Variants in BTBD10 observed in about 807,000 individuals in gnomAD.
BTBD10 encodes the protein BTB domain containing 10, also known as BTB/POZ domain-containing protein 10.
Under a neutral mutation model 53.2 loss-of-function variants are expected in BTBD10, and 21 were observed. The observed-to-expected ratio is 0.39, with a 90% confidence interval of 0.28 to 0.57. The LOEUF is 0.57. BTBD10 is among the 20% of genes least tolerant of loss of function. The pLI is 0.53. For missense variants in BTBD10, 360 were observed against 594.7 expected, an observed-to-expected ratio of 0.61 and a Z score of 4.10; for synonymous variants, 149 against 192.7, an observed-to-expected ratio of 0.77 and a Z score of 1.88.
chr11:13,451,766 G>A (rs564603095), intron 1 of BTBD10, among the ~76,000 whole-genome samples: 1 of 152,240 alleles, frequency 6.6e-6, no homozygotes, highest in South Asian at 2.1e-4. Flanking sequence ...ACTCCAAGTT[G>A]GCCCAGATGT....
intron 4 of BTBD10, 136 bp from the exon 5 acceptor site, chr11:13,417,396 G>T: frequency 1.7e-6 from 1 of 579,186 alleles, no homozygotes; most frequent in East Asian, 3.0e-5. Flanking sequence ...ATTTATTCTG[G>T]CAAACATCAT....
At chr11:13,411,927 G>A (rs1377787676) in intron 6 of BTBD10, among the ~76,000 whole-genome samples, 1 of 151,602 alleles carries the variant, frequency 6.6e-6, no homozygotes, top group African/African-American at 2.4e-5. Flanking sequence ...CACCTCCCGT[G>A]TTCAAGCAAT....
intron 8 of BTBD10, among the ~76,000 whole-genome samples, chr11:13,393,342 C>T (rs1417293502): frequency 6.6e-6 from 1 of 152,112 alleles, no homozygotes; most frequent in Non-Finnish European, 1.5e-5. Context: ...ATACACCAAC[C>T]CAATCTAGCT....
chr11:13,414,840 A>G (rs1591119419), intron 5 of BTBD10, among the ~76,000 whole-genome samples: 1 of 101,050 alleles, frequency 9.9e-6, no homozygotes, highest in African/African-American at 3.4e-5. Context: ...CCTCCATCTC[A>G]AACGAAAAAA....
At chr11:13,422,248 T>C (rs994813452) in intron 2 of BTBD10, among the ~76,000 whole-genome samples, 4 of 152,160 alleles carry the variant, frequency 2.6e-5, no homozygotes, top group African/African-American at 7.2e-5. Flanking sequence ...GGCAGAGAAA[T>C]TGGTCTCCCT....
At chr11:13,400,928 C>T (rs1401889872) in intron 8 of BTBD10, among the ~76,000 whole-genome samples, 1 of 151,956 alleles carries the variant, frequency 6.6e-6, no homozygotes, top group Non-Finnish European at 1.5e-5. Flanking sequence ...TTTGACAAAA[C>T]AAGCAGTTAG....
intron 7 of BTBD10, chr11:13,404,484 C>T (rs147284169): frequency 2.4e-6 from 1 of 414,790 alleles, no homozygotes; most frequent in Non-Finnish European, 3.2e-6. Flanking sequence ...TTCTTGGGGT[C>T]AAACCTTTTG....
At chr11:13,437,052 G>C (rs1419608011) in intron 2 of BTBD10, among the ~76,000 whole-genome samples, 1 of 152,188 alleles carries the variant, frequency 6.6e-6, no homozygotes, top group Non-Finnish European at 1.5e-5. Context: ...CCAAGTGCTG[G>C]GATTACAGGC....
At chr11:13,432,591 CAATA>C (rs1950469375) in intron 2 of BTBD10, among the ~76,000 whole-genome samples, 1 of 150,540 alleles carries the variant, frequency 6.6e-6, no homozygotes, top group Non-Finnish European at 1.5e-5. Context: ...ACAAAAGGAG[CAATA>C]AAGTGGAGAC....
intron 2 of BTBD10, among the ~76,000 whole-genome samples, chr11:13,422,139 A>G (rs1253217355): frequency 6.6e-6 from 1 of 152,204 alleles, no homozygotes; most frequent in Non-Finnish European, 1.5e-5. Context: ...GATCACTCAG[A>G]TATCTTAAAT....
intron 5 of BTBD10, among the ~76,000 whole-genome samples, chr11:13,413,929 A>G (rs1276457364): frequency 6.6e-6 from 1 of 152,216 alleles, no homozygotes; most frequent in Non-Finnish European, 1.5e-5. Flanking sequence ...CCTGTTACCT[A>G]ATTCATGTCT....
chr11:13,391,958 G>C (rs1949419098), intron 8 of BTBD10, among the ~76,000 whole-genome samples: 1 of 152,106 alleles, frequency 6.6e-6, no homozygotes, highest in African/African-American at 2.4e-5. Context: ...TGGATAAATA[G>C]ATAGACAGAA....
At chr11:13,424,689 C>T (rs1361964375) in intron 2 of BTBD10, among the ~76,000 whole-genome samples, 2 of 152,022 alleles carry the variant, frequency 1.3e-5, no homozygotes, top group South Asian at 2.1e-4. Context: ...TATCTATTTC[C>T]AGCCAAGATA....
At chr11:13,398,890 T>C (rs1485081117) in intron 8 of BTBD10, among the ~76,000 whole-genome samples, 6 of 152,228 alleles carry the variant, frequency 3.9e-5, no homozygotes, top group Non-Finnish European at 8.8e-5. Context: ...TTCTGGCTTG[T>C]AGAGTTTCTG....
rs550587921 is a variant in BTBD10, at chr11:13,390,941, G to A, written c.1118-1800C>T. Among the ~76,000 whole-genome samples the A allele has an allele frequency of 2.0e-5, 3 of 152,286 alleles. No individual in the cohort carries two copies. In the East Asian group the frequency reaches 5.8e-4, roughly 29 times the overall value. On this transcript the variant is annotated intron_variant, in intron 8 of 8. Coordinates refer to ENST00000278174, the MANE Select transcript of BTBD10 (RefSeq NM_032320.7). ...ATACTTTTGGTCAATTACCTCTGAA[G>A]GCAGCACCAGAAATCAGAAAGGTCT...
intron 8 of BTBD10, among the ~76,000 whole-genome samples, chr11:13,393,521 G>T (rs947988287): frequency 1.3e-5 from 2 of 152,024 alleles, no homozygotes; most frequent in African/African-American, 4.8e-5. Context: ...TTCTGCTGGG[G>T]TTATGACTAT....
rs772599614 is a variant in BTBD10, at chr11:13,388,792, G to A, written c.*39C>T. ...AGAATGAGGAGAGTACAACGTCACT[G>A]TGAAGAGTAGCATGCTATGGTTTCA... On this transcript the variant is annotated 3_prime_UTR_variant, in exon 9 of 9. Transcript: ENST00000278174. 2 of 1,573,448 alleles carry A rather than the reference G, an allele frequency of 1.3e-6. 1 individual carries two copies. The highest frequency in any genetic ancestry group is 2.4e-5 in the South Asian group (2 of 85,066).
chr11:13,419,473 T>C lies in BTBD10; in HGVS notation c.571A>G (p.Thr191Ala). ...DPSIFTAQPN[T>A]MLGRMFGSGR... ...AATAATACAAACCTGCCCAACATTGTATTTGGCTGTGCAGTAAAAATGGAT... is the reference window on the plus strand; with the variant it reads ...AATAATACAAACCTGCCCAACATTGCATTTGGCTGTGCAGTAAAAATGGAT... The change falls in exon 4 of 9, where the codon ACA becomes GCA. Residue 191 changes from threonine to alanine, a missense_variant. Thr to Ala is a moderately conservative substitution (Grantham distance 58, BLOSUM62 0). Transcript: ENST00000278174. 2 of 1,612,804 alleles carry C rather than the reference T, an allele frequency of 1.2e-6. No individual in the cohort carries two copies. Among genetic ancestry groups the C allele is most frequent in the Non-Finnish European group, 1.7e-6 (2 of 1,179,572 alleles).
At chr11:13,389,957 T>G (rs1345604632) in intron 8 of BTBD10, among the ~76,000 whole-genome samples, 1 of 152,208 alleles carries the variant, frequency 6.6e-6, no homozygotes, top group Non-Finnish European at 1.5e-5. Flanking sequence ...ATTTTAACAT[T>G]ACTACTCCCA....
Sources: gnomAD v4.1 joint callset for allele counts (sites outside exome capture counted in the v4.1 genomes callset) on GRCh38, gnomAD v4.1.1 for gene constraint, MANE v1.5 for transcripts, NCBI Gene and HGNC (gene_info 2026-07-23, HGNC 2026-07-21) for gene names.